Variants in NEURL1 observed in about 807,000 individuals in gnomAD.
NEURL1 encodes neuralized E3 ubiquitin protein ligase 1, also known as E3 ubiquitin-protein ligase NEURL1.
NEURL1 carries 26 observed loss-of-function variants against 41.2 expected under a neutral mutation model. That is an observed-to-expected ratio of 0.63 (90% CI 0.46 to 0.87). The LOEUF (loss-of-function observed/expected upper bound fraction) is 0.87. Among genes scored for constraint, NEURL1 ranks in the 40% least tolerant of loss-of-function variants. The pLI is 0.00. For missense variants in NEURL1, 761 were observed against 871.1 expected, an observed-to-expected ratio of 0.87 and a Z score of 1.59; for synonymous variants, 400 against 402.3, an observed-to-expected ratio of 0.99 and a Z score of 0.07.
chr10:103,550,829 C>T (rs1387924041), intron 1 of NEURL1: 1 of 152,236 alleles, frequency 6.6e-6, no homozygotes. Context: ...AATAACCTCT[C>T]TAAGCCTCAG....
At chr10:103,503,726 T>C (rs974437921) in intron 1 of NEURL1, among the ~76,000 whole-genome samples, 1 of 150,590 alleles carries the variant, frequency 6.6e-6, no homozygotes, top group African/African-American at 2.4e-5. Context: ...TGCATAAAAA[T>C]GAATCTGGAG....
chr10:103,506,437 T>C (rs905901296), intron 1 of NEURL1, among the ~76,000 whole-genome samples: 1 of 152,118 alleles, frequency 6.6e-6, no homozygotes, highest in Non-Finnish European at 1.5e-5. Flanking sequence ...AATTGAGAGG[T>C]GAGTACTGGG....
chr10:103,509,045 A>G (rs1191425566), intron 1 of NEURL1, among the ~76,000 whole-genome samples: 2 of 152,316 alleles, frequency 1.3e-5, no homozygotes, highest in East Asian at 3.9e-4. Context: ...CCCGGCCAAC[A>G]TGGCGAAAGC....
rs1325953495 is a variant in NEURL1 at position 103,493,948 on chromosome 10, G to C, written c.-440G>C. On this transcript the variant is annotated 5_prime_UTR_variant, in exon 1 of 6. Transcript: ENST00000369780. ...ACATCGCCGCCGCGGCCGTCTCCGC[G>C]GGGCGGTAACCGAGCCTGCCTCGGA... is the stretch of plus-strand genomic sequence containing the variant. 1 of 153,926 alleles carries C rather than the reference G, an allele frequency of 6.5e-6. No individual in the cohort carries two copies. Among genetic ancestry groups the C allele is most frequent in the Non-Finnish European group, 1.4e-5 (1 of 69,588 alleles). The allele number at this position is 153,926 out of a possible 1,614,324, so 9.5% of individuals were successfully genotyped here. A position where few individuals can be genotyped will look rare whatever the true frequency, so the allele number is the denominator to read the frequency against.
chr10:103,588,669 G>A (rs1233501586), intron 4 of NEURL1: 6 of 411,528 alleles, frequency 1.5e-5, no homozygotes, highest in Admixed American at 1.1e-4. Flanking sequence ...GAGGAAGGCC[G>A]GGCGCAGCGG....
intron 1 of NEURL1, among the ~76,000 whole-genome samples, chr10:103,537,776 C>T (rs2133862456): frequency 6.6e-6 from 1 of 152,294 alleles, no homozygotes; most frequent in South Asian, 2.1e-4. Context: ...TTAAAATGCA[C>T]AGTTGATGTG....
chr10:103,560,492 C>T (rs1170124549), intron 1 of NEURL1, among the ~76,000 whole-genome samples: 1 of 152,190 alleles, frequency 6.6e-6, no homozygotes, highest in Non-Finnish European at 1.5e-5. Flanking sequence ...TGGGGATTAA[C>T]TTGACTATGA....
chr10:103,588,236 G>A (rs1244991840), intron 4 of NEURL1, among the ~76,000 whole-genome samples: 1 of 151,516 alleles, frequency 6.6e-6, no homozygotes, highest in Non-Finnish European at 1.5e-5. Flanking sequence ...AACCCGGGAG[G>A]TGGAGCTTGC....
chr10:103,541,329 G>A (rs907780061), intron 1 of NEURL1, among the ~76,000 whole-genome samples: 1 of 152,154 alleles, frequency 6.6e-6, no homozygotes, highest in Non-Finnish European at 1.5e-5. Context: ...GGAAGCTGGG[G>A]GAGTCTGGGG....
At chr10:103,511,577 T>A (rs894579984) in intron 1 of NEURL1, among the ~76,000 whole-genome samples, 1 of 152,214 alleles carries the variant, frequency 6.6e-6, no homozygotes, top group African/African-American at 2.4e-5. Context: ...TTATTTGAGG[T>A]AATGCTTGAC....
chr10:103,589,588 G>A lies in NEURL1; in HGVS notation c.1414G>A (p.Ala472Thr), dbSNP rs751427809. Residue 472 changes from alanine to threonine, a missense_variant, in exon 5 of 6, where the codon GCC becomes ACC. Ala to Thr is a moderately conservative substitution (Grantham distance 58). Coordinates refer to ENST00000369780, the MANE Select transcript of NEURL1 (RefSeq NM_004210.5). ...SPASTPTSPS[A>T]LGSRLSDPLL... ...TGCCTCCACGCCAACCTCGCCCAGT[G>A]CCCTGGGCAGCCGCCTGTCTGACCC... 3 of 1,613,966 alleles carry A rather than the reference G, an allele frequency of 1.9e-6. No homozygotes were observed. Among genetic ancestry groups the A allele is most frequent in the Non-Finnish European group, 2.5e-6 (3 of 1,179,912 alleles).
In NEURL1 at chr10:103,530,926, A is replaced by C. The variant is rs1409844896; in HGVS notation, c.85+36454A>C. Among the ~76,000 whole-genome samples the C allele has an allele frequency of 1.7e-4, 26 of 152,240 alleles. No individual in the cohort carries two copies. In the East Asian group the frequency reaches 2.7e-3, roughly 16 times the overall value. ...TGGACAATGTTCTATGTGCTGATAA[A>C]AATAATATGTATTTGCCTGGGCGTG... On this transcript the variant is annotated intron_variant, in intron 1 of 5. Coordinates refer to ENST00000369780, the MANE Select transcript of NEURL1 (RefSeq NM_004210.5).
chr10:103,507,909 C>T (rs1390279373), intron 1 of NEURL1, among the ~76,000 whole-genome samples: 1 of 152,180 alleles, frequency 6.6e-6, no homozygotes, highest in East Asian at 1.9e-4. Flanking sequence ...GCCACACACA[C>T]ACAAGCCCCT....
At chr10:103,495,479 C>CT (rs1304530251) in intron 1 of NEURL1, among the ~76,000 whole-genome samples, 1 of 152,016 alleles carries the variant, frequency 6.6e-6, no homozygotes, top group Admixed American at 6.5e-5. Flanking sequence ...ATGGACACTG[C>CT]TTGGGGTAGT....
chr10:103,588,316 A>AG (rs1220623452), intron 4 of NEURL1, among the ~76,000 whole-genome samples: 1 of 151,708 alleles, frequency 6.6e-6, no homozygotes, highest in East Asian at 1.9e-4. Context: ...AAAAAAAAAA[A>AG]AAAAAGAAAG....
At chr10:103,579,794 T>G (rs376574432) in intron 3 of NEURL1, among the ~76,000 whole-genome samples, 5 of 151,862 alleles carry the variant, frequency 3.3e-5, no homozygotes, top group Middle Eastern at 3.4e-3. Flanking sequence ...ATACAAAAAT[T>G]AGCCAGGCGT....
At chr10:103,586,358 A>T (rs1190279940) in intron 4 of NEURL1, among the ~76,000 whole-genome samples, 1 of 151,982 alleles carries the variant, frequency 6.6e-6, no homozygotes, top group Non-Finnish European at 1.5e-5. Context: ...GTTTCGTTAG[A>T]TTTACCTGGA....
intron 1 of NEURL1, among the ~76,000 whole-genome samples, chr10:103,509,413 A>G (rs957683672): frequency 1.3e-5 from 2 of 152,150 alleles, no homozygotes; most frequent in African/African-American, 4.8e-5. Context: ...GTTGTGGCCT[A>G]TTGTTCCTTG....
chr10:103,572,905 A>G (rs1042552840), intron 3 of NEURL1, among the ~76,000 whole-genome samples: 1 of 151,870 alleles, frequency 6.6e-6, no homozygotes, highest in Admixed American at 6.6e-5. Context: ...GGTACCAAGT[A>G]TATGCTCAAG....
Sources: gnomAD v4.1 joint callset for allele counts (sites outside exome capture counted in the v4.1 genomes callset) on GRCh38, gnomAD v4.1.1 for gene constraint, MANE v1.5 for transcripts, NCBI Gene and HGNC (gene_info 2026-07-23, HGNC 2026-07-21) for gene names.